LINGO2: variants seen among roughly 807,000 people sequenced by gnomAD.
LINGO2 encodes leucine rich repeat and Ig domain containing 2.
Under a neutral mutation model 30.6 loss-of-function variants are expected in LINGO2, and 14 were observed. The observed-to-expected ratio is 0.46, with a 90% CI of 0.30 to 0.72. LINGO2 has a LOEUF of 0.72. LINGO2 is among the 30% of genes least tolerant of loss of function. LINGO2 has a pLI of 0.07. For synonymous variants in LINGO2, 317 were observed against 288.5 expected (o/e 1.10, Z -1.00); for missense variants, 729 against 751.7 (o/e 0.97, Z 0.35).
intron 1 of LINGO2, among the ~76,000 whole-genome samples, chr9:28,513,413 G>T (rs573436497): frequency 6.6e-6 from 1 of 152,242 alleles, no homozygotes; most frequent in South Asian, 2.1e-4. Flanking sequence ...CTATGGCACA[G>T]GATATAATTT....
At chr9:27,961,281 A>G (rs1563858727) in intron 5 of LINGO2, among the ~76,000 whole-genome samples, 1 of 152,202 alleles carries the variant, frequency 6.6e-6, no homozygotes, top group Admixed American at 6.6e-5. Flanking sequence ...TGACCCCATC[A>G]TAAGTCATGG....
chr9:28,735,905 T>A, the LINGO2 span, among the ~76,000 whole-genome samples: 1 of 152,214 alleles, frequency 6.6e-6, no homozygotes, highest in Non-Finnish European at 1.5e-5. Context: ...TAAGACTTAC[T>A]GTTTATAGTC....
intron 5 of LINGO2, among the ~76,000 whole-genome samples, chr9:27,975,864 A>T (rs950423197): frequency 6.6e-6 from 1 of 151,794 alleles, no homozygotes; most frequent in Non-Finnish European, 1.5e-5. Flanking sequence ...TATATATTTA[A>T]TTTGTCTTTT....
At chr9:28,527,923 T>C (rs528832002) in intron 1 of LINGO2, among the ~76,000 whole-genome samples, 166 of 152,286 alleles carry the variant, frequency 1.1e-3, no homozygotes, top group African/African-American at 3.9e-3. Context: ...TAAACCTTAC[T>C]GAAAATGAGT....
At chr9:28,555,601 T>A (rs896612594) in intron 1 of LINGO2, among the ~76,000 whole-genome samples, 1 of 152,028 alleles carries the variant, frequency 6.6e-6, no homozygotes, top group Admixed American at 6.6e-5. Flanking sequence ...CTTCTGAAAC[T>A]ATTCCAATCA....
chr9:28,870,002 G>A, the LINGO2 span, among the ~76,000 whole-genome samples: 2 of 151,394 alleles, frequency 1.3e-5, no homozygotes, highest in Non-Finnish European at 2.9e-5. Context: ...TAACAGTAAA[G>A]CTAAAAACAC....
chr9:28,300,383 C>A (rs1195572979), intron 3 of LINGO2, among the ~76,000 whole-genome samples: 2 of 152,188 alleles, frequency 1.3e-5, no homozygotes, highest in African/African-American at 4.8e-5. Context: ...CTATCAATCA[C>A]TGAGAACGCA....
At position 28,532,030 on chromosome 9, in the gene LINGO2, C is replaced by T. The variant is rs551153022; in HGVS notation, c.-364-56005G>A. 1.8e-4 allele frequency among the ~76,000 whole-genome samples: 27 copies of T among 152,178 alleles called. 1 individual carries two copies. The South Asian group carries it at 2.1e-3, about 12-fold the overall frequency. On this transcript the variant is annotated intron_variant, in intron 1 of 5. Transcript: ENST00000379992. ...TTTACCTTATTTTACAAACCGGTAA[C>T]GTTCCATTAGGAGTCATTCAGATTT...
At chr9:28,111,054 C>T (rs1826766044) in intron 4 of LINGO2, among the ~76,000 whole-genome samples, 1 of 151,978 alleles carries the variant, frequency 6.6e-6, no homozygotes, top group Admixed American at 6.6e-5. Context: ...TACTATGGAG[C>T]CATAAAAAAT....
At chr9:28,080,465 G>A (rs1028917608) in intron 4 of LINGO2, 5 of 152,102 alleles carry the variant, frequency 3.3e-5, no homozygotes, top group Non-Finnish European at 5.9e-5. Context: ...TCTGATCCCA[G>A]ATTTTTAAAT....
chr9:28,753,100 AG>A, the LINGO2 span, among the ~76,000 whole-genome samples: 4,125 of 151,946 alleles, frequency 0.027, 211 homozygotes, highest in African/African-American at 0.09. Context: ...TGTGGCTTAA[AG>A]GAAGATTACT....
chr9:28,367,243 T>C (rs1181948124), intron 3 of LINGO2, among the ~76,000 whole-genome samples: 1 of 152,210 alleles, frequency 6.6e-6, no homozygotes, highest in African/African-American at 2.4e-5. Flanking sequence ...TCTATAAATC[T>C]GTCATTAATT....
At chr9:28,261,588 A>C (rs10812767) in intron 4 of LINGO2, among the ~76,000 whole-genome samples, 35,671 of 151,792 alleles carry the variant, frequency 0.23, 4,652 homozygotes, top group Non-Finnish European at 0.31. Flanking sequence ...TGAAACTTTA[A>C]AATGAAACTA....
chr9:28,167,213 C>A (rs942514374), intron 4 of LINGO2, among the ~76,000 whole-genome samples: 1 of 143,326 alleles, frequency 7.0e-6, no homozygotes, highest in South Asian at 2.3e-4. Context: ...AGCTGAAAAT[C>A]TGCTTCTACT....
the LINGO2 span, among the ~76,000 whole-genome samples, chr9:28,851,283 C>G: frequency 6.6e-6 from 1 of 152,032 alleles, no homozygotes; most frequent in African/African-American, 2.4e-5. Context: ...TGCTTCCATT[C>G]AAGCTTCTAC....
the LINGO2 span, among the ~76,000 whole-genome samples, chr9:28,890,044 C>T: frequency 1.3e-5 from 2 of 152,046 alleles, no homozygotes; most frequent in Admixed American, 6.6e-5. Flanking sequence ...AAATTTCATG[C>T]ACTCATGCTT....
the LINGO2 span, among the ~76,000 whole-genome samples, chr9:29,017,048 G>T: frequency 6.6e-6 from 1 of 152,086 alleles, no homozygotes; most frequent in Admixed American, 6.6e-5. Context: ...TAAGATTTTA[G>T]AAAAGAAGGT....
chr9:29,123,112 C>G, the LINGO2 span, among the ~76,000 whole-genome samples: 1 of 152,028 alleles, frequency 6.6e-6, no homozygotes, highest in Non-Finnish European at 1.5e-5. Flanking sequence ...CCACACAGGA[C>G]AGAACAGAAC....
At chr9:28,927,375 C>A in the LINGO2 span, among the ~76,000 whole-genome samples, 3 of 152,276 alleles carry the variant, frequency 2.0e-5, no homozygotes, top group South Asian at 6.2e-4. Flanking sequence ...AGCTCTAGAA[C>A]TTTACATGGA....
Sources: gnomAD v4.1 joint callset for allele counts (sites outside exome capture counted in the v4.1 genomes callset) on GRCh38, gnomAD v4.1.1 for gene constraint, MANE v1.5 for transcripts, NCBI Gene and HGNC (gene_info 2026-07-23, HGNC 2026-07-21) for gene names.